The following MAU2 variants were observed in gnomAD, a reference collection of about 807,000 sequenced individuals.
MAU2 encodes MAU2 chromatid cohesion factor homolog.
In MAU2, 9 loss-of-function variants were observed where a neutral mutation model predicts 89.1. The observed-to-expected ratio is 0.10, with a 90% CI of 0.06 to 0.18. The LOEUF is 0.18. Ranked by LOEUF, MAU2 falls within the 10% of genes least tolerant of loss-of-function variation. MAU2 has a pLI of 1.00. For synonymous variants in MAU2, 357 were observed against 343.4 expected (o/e 1.04, Z -0.44); for missense variants, 425 against 803.5 (o/e 0.53, Z 5.69).
chr19:19,356,154 C>T lies in MAU2; in HGVS notation c.*372C>T, dbSNP rs2048176495. On this transcript the variant is annotated 3_prime_UTR_variant, in exon 19 of 19. Coordinates refer to ENST00000262815, the MANE Select transcript of MAU2 (RefSeq NM_015329.4). ...CAGGCAGTGCCCCAGGGGCACCACGCCTGACTCTCCATCACCCAGGCCTTG... is the reference window on the plus strand; with the variant it reads ...CAGGCAGTGCCCCAGGGGCACCACGTCTGACTCTCCATCACCCAGGCCTTG... 2.3e-6 allele frequency: 1 copy of T among 437,822 alleles called. No individual in the cohort carries two copies. Among genetic ancestry groups the T allele is most frequent in the African/African-American group, 2.0e-5 (1 of 50,358 alleles). The allele number at this position is 437,822 out of a possible 1,614,324, so 27.1% of individuals were successfully genotyped here. A position where few individuals can be genotyped will look rare whatever the true frequency, so the allele number is the denominator to read the frequency against.
intron 1 of MAU2, among the ~76,000 whole-genome samples, chr19:19,330,550 GA>G: frequency 6.6e-6 from 1 of 152,196 alleles, no homozygotes; most frequent in Non-Finnish European, 1.5e-5. Context: ...AGACCTGCCT[GA>G]CCAACATAGA....
rs1341393610 is a variant in MAU2, at chr19:19,345,691, A to C, written c.1221+322A>C. 6.6e-6 allele frequency among the ~76,000 whole-genome samples: 1 copy of C among 152,136 alleles called. No homozygotes were observed. On this transcript the variant is annotated intron_variant, in intron 12 of 18. Transcript: ENST00000262815. This position sits in a 1 kb window ranked among gnomAD's most constrained non-coding sequence, Gnocchi z 4.9. ...CCACCCCCAAGGCTGGATTGGCTCA[A>C]GTGTCAGCTGACAACTCAGAGCCAT...
At chr19:19,342,472 G>A in intron 7 of MAU2, 63 bp from the exon 8 acceptor site, 9 of 1,502,316 alleles carry the variant, frequency 6.0e-6, no homozygotes, top group Non-Finnish European at 8.0e-6. Context: ...GGGGTGGCTG[G>A]GCTGGGCCTG....
rs1247443912 is a variant in MAU2 at position 19,344,831 on chromosome 19, T to C, written c.1078-18T>C. ...CCAGGTTGCAGTCCTGTGATGGCAG[T>C]ACACTCTCTCCCGGCAGATCTCCCA... On this transcript the variant is annotated intron_variant, in intron 10 of 18. Coordinates refer to ENST00000262815, the MANE Select transcript of MAU2 (RefSeq NM_015329.4). 2.5e-6 allele frequency: 4 copies of C among 1,610,498 alleles called. No homozygotes were observed. The highest frequency in any genetic ancestry group is 1.7e-6 in the Non-Finnish European group (2 of 1,177,538).
chr19:19,356,613 C>T lies in MAU2; in HGVS notation c.*831C>T, dbSNP rs531494544. The T allele has an allele frequency of 6.4e-6, 1 of 156,046 alleles. No individual in the cohort carries two copies. Among genetic ancestry groups the T allele is most frequent in the African/African-American group, 2.4e-5 (1 of 41,576 alleles). 9.7% of individuals were successfully genotyped at this position (156,046 alleles called of 1,614,324 possible). ...GCTCGTCTCCTAAATTTAAGATCAC[C>T]TCCTCAGCTAGCTTAGAGTGCGTGG... On this transcript the variant is annotated 3_prime_UTR_variant, in exon 19 of 19. Transcript: ENST00000262815.
intron 16 of MAU2, 48 bp downstream of exon 16, chr19:19,349,484 G>A (rs772244065): frequency 5.2e-6 from 8 of 1,547,738 alleles, no homozygotes; most frequent in Non-Finnish European, 6.2e-6. Context: ...GTGGGGCTTG[G>A]CTGAGGGACA....
At chr19:19,332,515 G>A (rs907534577) in intron 1 of MAU2, among the ~76,000 whole-genome samples, 3 of 151,914 alleles carry the variant, frequency 2.0e-5, no homozygotes, top group African/African-American at 4.8e-5. Context: ...TTAGAGCATC[G>A]CTAACTCACA....
intron 5 of MAU2, among the ~76,000 whole-genome samples, chr19:19,340,344 A>G (rs979030263): frequency 2.7e-5 from 4 of 148,856 alleles, no homozygotes; most frequent in African/African-American, 7.5e-5. Flanking sequence ...AAAATAATAA[A>G]AAAAATAAAA....
chr19:19,344,027 C>T (rs2061673939), intron 10 of MAU2, 87 bp downstream of exon 10: 1 of 1,068,054 alleles, frequency 9.4e-7, no homozygotes, highest in Admixed American at 1.8e-5. Context: ...TCGCCAAGTG[C>T]ATACTGGCAG....
At chr19:19,331,660 G>A (rs895347748) in intron 1 of MAU2, among the ~76,000 whole-genome samples, 5 of 152,138 alleles carry the variant, frequency 3.3e-5, no homozygotes, top group Admixed American at 6.5e-5. Context: ...CCAGTACTTT[G>A]GAAGGCTGAA....
In MAU2 at chr19:19,326,721, C is replaced by CACAT. The variant is rs1555792869; in HGVS notation, c.276+5587_276+5588insCATA. Among the ~76,000 whole-genome samples the CACAT allele has an allele frequency of 2.1e-3, 171 of 80,914 alleles. 3 individuals carry two copies. Among genetic ancestry groups the CACAT allele is most frequent in the Non-Finnish European group, 3.3e-3 (133 of 39,720 alleles). The allele number at this position is 80,914 out of a possible 152,430, so 53.1% of individuals were successfully genotyped here. A position where few individuals can be genotyped will look rare whatever the true frequency, so the allele number is the denominator to read the frequency against. ...ATATATGTATATATATATATATATA[C>CACAT]ATATATATATATATACACAAAAATT... On this transcript the variant is annotated intron_variant, in intron 1 of 18. Coordinates refer to ENST00000262815, the MANE Select transcript of MAU2 (RefSeq NM_015329.4).
intron 1 of MAU2, among the ~76,000 whole-genome samples, chr19:19,329,793 T>TAA (rs531975850): frequency 6.4e-5 from 9 of 140,880 alleles, no homozygotes; most frequent in Admixed American, 5.0e-4. Flanking sequence ...CCCTGTCTCT[T>TAA]AAAAAAAAAA....
chr19:19,327,140 T>TA (rs2061516120), intron 1 of MAU2, among the ~76,000 whole-genome samples: 1 of 146,942 alleles, frequency 6.8e-6, no homozygotes, highest in South Asian at 2.2e-4. Flanking sequence ...TTTTTTTTTT[T>TA]AGATGGACTC....
At chr19:19,323,775 T>C (rs1176176876) in intron 1 of MAU2, among the ~76,000 whole-genome samples, 1 of 152,188 alleles carries the variant, frequency 6.6e-6, no homozygotes, top group Non-Finnish European at 1.5e-5. Flanking sequence ...TGAGCCATTG[T>C]GCCCAGCGTG....
chr19:19,351,884 T>C (rs1342528966), intron 16 of MAU2, among the ~76,000 whole-genome samples: 1 of 134,538 alleles, frequency 7.4e-6, no homozygotes, highest in Non-Finnish European at 1.6e-5. Flanking sequence ...AGTCTTGCTC[T>C]CTTGCCCAGG....
Position 19,320,914 on chromosome 19 carries a change from G to A in MAU2, c.55G>A (p.Ala19Thr). The change falls in exon 1 of 19, where the codon GCC becomes ACC. Residue 19 changes from alanine to threonine, a missense_variant. By Grantham distance (58) the Ala-to-Thr change is moderately conservative. Around this residue, in one of 11 missense-constraint regions of MAU2, gnomAD observed 61 missense variants for 40.1 expected, o/e 1.52. Coordinates refer to ENST00000262815, the MANE Select transcript of MAU2 (RefSeq NM_015329.4). ...AQAAAAQAAQ[A>T]EAADSWYLAL... ...GGCGGCGGCGGCCCAGGCTGCGCAG[G>A]CCGAGGCGGCCGACTCGTGGTACCT... 6.4e-7 allele frequency: 1 copy of A among 1,555,902 alleles called. No homozygotes were observed. The highest frequency in any genetic ancestry group is 8.7e-7 in the Non-Finnish European group (1 of 1,151,492).
At position 19,344,952 on chromosome 19, in the gene MAU2, G is replaced by A. The variant is rs374459100; in HGVS notation, c.1155+26G>A. The A allele has an allele frequency of 1.4e-4, 221 of 1,606,388 alleles. 1 individual carries two copies. Among genetic ancestry groups the A allele is most frequent in the Non-Finnish European group, 1.5e-4 (178 of 1,174,258 alleles). ...GTGAGTAACCCTGTGACAACACCCCGGGAGAATCCAGAATGTTCTCAGTAA... is the reference window on the plus strand; with the variant it reads ...GTGAGTAACCCTGTGACAACACCCCAGGAGAATCCAGAATGTTCTCAGTAA... On this transcript the variant is annotated intron_variant, in intron 11 of 18. Coordinates refer to ENST00000262815, the MANE Select transcript of MAU2 (RefSeq NM_015329.4).
chr19:19,346,245 C>T (rs1350549648), intron 12 of MAU2, among the ~76,000 whole-genome samples: 2 of 152,126 alleles, frequency 1.3e-5, no homozygotes, highest in East Asian at 3.9e-4. Flanking sequence ...CACCTCGCTC[C>T]CAGGACCCTG....
chr19:19,348,766 G>A, intron 13 of MAU2, 123 bp from the exon 14 acceptor site: 2 of 1,063,914 alleles, frequency 1.9e-6, no homozygotes, highest in Non-Finnish European at 2.9e-6. Context: ...CAGTCACCAG[G>A]CTCAGCCTGG....
Sources: allele counts gnomAD v4.1 joint callset (sites outside exome capture counted in the v4.1 genomes callset), GRCh38; gene constraint gnomAD v4.1.1; regional missense constraint gnomAD v4.1.1; non-coding constraint Gnocchi (gnomAD v3.1); transcripts MANE v1.5; gene names NCBI Gene and HGNC (gene_info 2026-07-23, HGNC 2026-07-21).